The following APBB2 variants were observed in gnomAD, a reference collection of about 807,000 sequenced individuals.
The protein encoded by APBB2 is amyloid beta precursor protein binding family B member 2.
A neutral mutation model predicts 82.5 loss-of-function variants in APBB2; 38 were observed. That is an observed-to-expected ratio of 0.46 (90% CI 0.36 to 0.60). The LOEUF is 0.60. Among genes scored for constraint, APBB2 ranks in the 20% least tolerant of loss-of-function variants. APBB2 has a pLI of 0.00. For synonymous variants in APBB2, 341 were observed against 368.2 expected (o/e 0.93, Z 0.85); for missense variants, 772 against 972.3 (o/e 0.79, Z 2.74).
intron 6 of APBB2, among the ~76,000 whole-genome samples, chr4:40,946,877 C>T (rs187418281): frequency 3.3e-5 from 5 of 152,146 alleles, no homozygotes; most frequent in African/African-American, 7.2e-5. Flanking sequence ...GCAGAGCCAC[C>T]GTGAGAAATA....
intron 1 of APBB2, among the ~76,000 whole-genome samples, chr4:41,179,145 G>A (rs1489846228): frequency 2.0e-5 from 3 of 152,126 alleles, no homozygotes; most frequent in Admixed American, 6.6e-5. Flanking sequence ...ATACAATGAC[G>A]AACACTTGCC....
chr4:40,860,684 T>C (rs753878749), intron 12 of APBB2, among the ~76,000 whole-genome samples: 1 of 152,216 alleles, frequency 6.6e-6, no homozygotes, highest in Admixed American at 6.5e-5. Context: ...TTCTCTAACT[T>C]GGCAGTTTCC....
At chr4:40,943,668 A>C (rs1292346741) in intron 7 of APBB2, among the ~76,000 whole-genome samples, 1 of 152,252 alleles carries the variant, frequency 6.6e-6, no homozygotes, top group Non-Finnish European at 1.5e-5. Flanking sequence ...CCCAGGGAGT[A>C]GGAATTATTA....
chr4:40,857,127 A>G, intron 12 of APBB2: 1 of 985,428 alleles, frequency 1.0e-6, no homozygotes, highest in Non-Finnish European at 1.2e-6. Context: ...TCGCTCAAGC[A>G]GCCGCGCGCA....
intron 4 of APBB2, among the ~76,000 whole-genome samples, chr4:41,041,096 G>A (rs111725557): frequency 7.2e-5 from 11 of 152,202 alleles, no homozygotes; most frequent in African/African-American, 1.4e-4. Flanking sequence ...TAGCCAGGAT[G>A]GTCTCGATCT....
chr4:40,969,532 G>A (rs1003885132), intron 6 of APBB2, among the ~76,000 whole-genome samples: 3 of 152,140 alleles, frequency 2.0e-5, no homozygotes, highest in South Asian at 2.1e-4. Flanking sequence ...TTATCCTAAC[G>A]TGTTCAAAAA....
chr4:40,895,698 A>G (rs1388647910), intron 10 of APBB2, among the ~76,000 whole-genome samples: 3 of 152,074 alleles, frequency 2.0e-5, no homozygotes, highest in African/African-American at 7.2e-5. Context: ...CCTCTCTCCC[A>G]TGTCGGTTCC....
chr4:40,880,385 A>C (rs1483718080), intron 12 of APBB2: 4 of 985,314 alleles, frequency 4.1e-6, no homozygotes, highest in Non-Finnish European at 4.8e-6. Flanking sequence ...CATTTGAGTA[A>C]AAAGGTTCCA....
intron 5 of APBB2, among the ~76,000 whole-genome samples, chr4:41,028,200 A>G (rs1715246488): frequency 2.6e-5 from 4 of 152,264 alleles, no homozygotes; most frequent in Admixed American, 2.6e-4. Flanking sequence ...CTGAGGATAT[A>G]GCAGTGAACA....
chr4:41,076,089 G>A (rs1178188523), intron 3 of APBB2, among the ~76,000 whole-genome samples: 1 of 152,172 alleles, frequency 6.6e-6, no homozygotes, highest in African/African-American at 2.4e-5. Context: ...AATGGAAGAG[G>A]ACAAAATTCA....
chr4:41,172,248 C>G (rs1470254860), intron 1 of APBB2, among the ~76,000 whole-genome samples: 1 of 151,942 alleles, frequency 6.6e-6, no homozygotes, highest in African/African-American at 2.4e-5. Flanking sequence ...ATTCCAGTCC[C>G]TAAGCCAGCT....
At position 40,952,173 on chromosome 4, in the gene APBB2, G is replaced by A. The variant is rs542755182; in HGVS notation, c.836-7100C>T. Among the ~76,000 whole-genome samples, 10 of 133,166 alleles carry A rather than the reference G, an allele frequency of 7.5e-5. No homozygotes were observed. The South Asian group carries it at 7.7e-4, about 10-fold the overall frequency. The allele number at this position is 133,166 out of a possible 152,430, so 87.4% of individuals were successfully genotyped here. ...TGCATTCCAGCCTGGGTGACAGAGC[G>A]AGACTCTGTCTCAAAAAAAAAAAAA... On this transcript the variant is annotated intron_variant, in intron 6 of 17. Coordinates refer to ENST00000508593, the MANE Select transcript of APBB2 (RefSeq NM_004307.2).
intron 6 of APBB2, among the ~76,000 whole-genome samples, chr4:40,986,718 A>C: frequency 6.6e-6 from 1 of 152,150 alleles, no homozygotes; most frequent in Non-Finnish European, 1.5e-5. Context: ...TTAATCCATC[A>C]CTCATGAGTG....
intron 2 of APBB2, chr4:41,113,969 C>T (rs994921000): frequency 1.3e-5 from 2 of 152,278 alleles, no homozygotes; most frequent in African/African-American, 4.8e-5. Flanking sequence ...ACATATACTA[C>T]AACTGGAACG....
rs777202296 is a variant in APBB2 at position 40,934,524 on chromosome 4, G to C, written c.1194-8C>G. On this transcript the variant is annotated splice_polypyrimidine_tract_variant and splice_region_variant and intron_variant, in intron 9 of 17. Coordinates refer to ENST00000508593, the MANE Select transcript of APBB2 (RefSeq NM_004307.2). The stretch of plus-strand genomic sequence containing the variant: ...TCAGGGTGTGGGGCATTTCTAGGCA[G>C]AAAAACAGAAAAGTGGACTTAGAAT... 6.2e-7 allele frequency: 1 copy of C among 1,614,068 alleles called. No homozygotes were observed.
chr4:40,827,168 C>A lies in APBB2; in HGVS notation c.1696G>T (p.Glu566Ter). The A allele has an allele frequency of 6.2e-7, 1 of 1,614,194 alleles. No homozygotes were observed. Among genetic ancestry groups the A allele is most frequent in the Non-Finnish European group, 8.5e-7 (1 of 1,180,038 alleles). The change falls in exon 14 of 18, where the codon GAA becomes TAA. Residue 566 changes from glutamate to a stop codon, truncating the protein, a stop_gained. Transcript: ENST00000508593. LOFTEE classifies it high-confidence loss of function. ...AKALACSSLQERANVNLDVPL... is the reference protein window; with the variant it reads ...AKALACSSLQ ...ACATCGAGGTTCACATTGGCCCTTT[C>A]CTGTAAGGAGCTGCAGGCCAGCGCT...
chr4:40,886,324 C>CT, intron 12 of APBB2, among the ~76,000 whole-genome samples: 2 of 152,120 alleles, frequency 1.3e-5, no homozygotes, highest in Middle Eastern at 3.4e-3. Flanking sequence ...ACTAAAAATA[C>CT]AAAAAATTGG....
chr4:41,090,083 T>A (rs370008990), intron 3 of APBB2, among the ~76,000 whole-genome samples: 2 of 152,130 alleles, frequency 1.3e-5, no homozygotes, highest in East Asian at 1.9e-4. Context: ...TATATGAATA[T>A]CTCCTTTGAT....
chr4:41,200,568 T>C (rs1776449286), intron 1 of APBB2, among the ~76,000 whole-genome samples: 1 of 152,232 alleles, frequency 6.6e-6, no homozygotes, highest in Non-Finnish European at 1.5e-5. Context: ...TCCTCCGTGA[T>C]TATCCTGAGC....
Sources: allele counts gnomAD v4.1 joint callset (sites outside exome capture counted in the v4.1 genomes callset), GRCh38; gene constraint gnomAD v4.1.1; transcripts MANE v1.5; gene names NCBI Gene and HGNC (gene_info 2026-07-23, HGNC 2026-07-21).